The following POFUT3 variants were observed in gnomAD, a reference collection of about 807,000 sequenced individuals.
POFUT3 encodes the protein GDP-fucose protein O-fucosyltransferase 3.
the POFUT3 span, among the ~76,000 whole-genome samples, chr8:33,412,113 G>A: frequency 2.0e-5 from 3 of 151,992 alleles, no homozygotes; most frequent in African/African-American, 7.3e-5. Flanking sequence ...GTGTATTTAC[G>A]GAACACACAT....
chr8:33,379,390 CAA>C, the POFUT3 span, among the ~76,000 whole-genome samples: 115 of 133,366 alleles, frequency 8.6e-4, no homozygotes, highest in African/African-American at 2.0e-3. Context: ...GTCCAGGAAT[CAA>C]AAAAAAAAAA....
At chr8:33,388,313 G>A in the POFUT3 span, among the ~76,000 whole-genome samples, 610 of 146,866 alleles carry the variant, frequency 4.2e-3, 1 homozygote, top group African/African-American at 0.015. Context: ...GATTGACCAT[G>A]TGGATAAGCA....
chr8:33,411,320 C>T, the POFUT3 span, among the ~76,000 whole-genome samples: 1 of 152,148 alleles, frequency 6.6e-6, no homozygotes, highest in Non-Finnish European at 1.5e-5. Flanking sequence ...CCAAAATGAA[C>T]CAGGGAGTCT....
At chr8:33,357,971 G>A in the POFUT3 span, among the ~76,000 whole-genome samples, 1 of 152,198 alleles carries the variant, frequency 6.6e-6, no homozygotes, top group Non-Finnish European at 1.5e-5. Context: ...ACAAGGCTGG[G>A]CACAGTGGCT....
chr8:33,453,967 A>T, the POFUT3 span, among the ~76,000 whole-genome samples: 1 of 152,032 alleles, frequency 6.6e-6, no homozygotes, highest in African/African-American at 2.4e-5. Context: ...AAAAAAGAAA[A>T]GAAAAAAAAA....
At chr8:33,330,256 C>T in the POFUT3 span, among the ~76,000 whole-genome samples, 2 of 151,954 alleles carry the variant, frequency 1.3e-5, no homozygotes, top group Non-Finnish European at 2.9e-5. Context: ...TCATCCTGGC[C>T]AACACAGTGA....
chr8:33,344,319 C>G, the POFUT3 span, among the ~76,000 whole-genome samples: 1 of 152,334 alleles, frequency 6.6e-6, no homozygotes, highest in South Asian at 2.1e-4. Context: ...GAATTCATTA[C>G]TGGCTACTTT....
At chr8:33,318,428 G>C in the POFUT3 span, among the ~76,000 whole-genome samples, 1 of 142,056 alleles carries the variant, frequency 7.0e-6, no homozygotes, top group Non-Finnish European at 1.5e-5. Context: ...ATACACACAT[G>C]TATATATGTA....
At chr8:33,389,420 A>C in the POFUT3 span, 2 of 1,614,186 alleles carry the variant, frequency 1.2e-6, no homozygotes, top group Non-Finnish European at 1.7e-6. Flanking sequence ...CTGCTGAGGG[A>C]GGTCTTTGTT....
At chr8:33,471,372 C>T in the POFUT3 span, among the ~76,000 whole-genome samples, 2 of 152,062 alleles carry the variant, frequency 1.3e-5, no homozygotes, top group African/African-American at 4.8e-5. Flanking sequence ...CTCAGCCTCC[C>T]GAGTAGCTGG....
the POFUT3 span, among the ~76,000 whole-genome samples, chr8:33,388,172 GA>G: frequency 6.6e-6 from 1 of 152,056 alleles, no homozygotes; most frequent in Non-Finnish European, 1.5e-5. Context: ...GCCAGAAAGA[GA>G]AAGAGTAAAT....
chr8:33,368,138 T>C, the POFUT3 span, among the ~76,000 whole-genome samples: 1 of 152,106 alleles, frequency 6.6e-6, no homozygotes, highest in East Asian at 1.9e-4. Flanking sequence ...TCCAGGAGGA[T>C]ACAAAGGGGC....
At chr8:33,340,213 A>C in the POFUT3 span, among the ~76,000 whole-genome samples, 2 of 152,288 alleles carry the variant, frequency 1.3e-5, no homozygotes, top group South Asian at 4.1e-4. Context: ...TAAAAAAAAC[A>C]CTTAAAAACA....
At chr8:33,380,209 T>C in the POFUT3 span, among the ~76,000 whole-genome samples, 13 of 63,924 alleles carry the variant, frequency 2.0e-4, no homozygotes, top group Non-Finnish European at 3.2e-4. Context: ...ATACTATATA[T>C]ATATACTATA....
the POFUT3 span, among the ~76,000 whole-genome samples, chr8:33,429,143 C>A: frequency 6.6e-6 from 1 of 152,048 alleles, no homozygotes; most frequent in Non-Finnish European, 1.5e-5. Flanking sequence ...TTTCCTTTTA[C>A]AAATAAGAAA....
chr8:33,347,842 CTAACA>C, the POFUT3 span, among the ~76,000 whole-genome samples: 2 of 152,100 alleles, frequency 1.3e-5, no homozygotes, highest in Non-Finnish European at 2.9e-5. Context: ...GCATACCAGA[CTAACA>C]TAAGAGAAGA....
chr8:33,395,108 C>G, the POFUT3 span, among the ~76,000 whole-genome samples: 36 of 152,278 alleles, frequency 2.4e-4, no homozygotes, highest in Non-Finnish European at 4.0e-4. Context: ...TGTAAGAAGA[C>G]TGAAGGTGGG....
chr8:33,311,118 A>G, the POFUT3 span, among the ~76,000 whole-genome samples: 1 of 152,190 alleles, frequency 6.6e-6, no homozygotes, highest in Admixed American at 6.6e-5. Flanking sequence ...ACCTCAAGCA[A>G]GACTATTCTC....
the POFUT3 span, among the ~76,000 whole-genome samples, chr8:33,418,995 T>C: frequency 0.013 from 1,972 of 152,254 alleles, 46 homozygotes; most frequent in African/African-American, 0.045. Context: ...ATATTACACG[T>C]TCTCACTTAT....
Sources: allele counts gnomAD v4.1 joint callset (sites outside exome capture counted in the v4.1 genomes callset), GRCh38; gene constraint gnomAD v4.1.1; transcripts MANE v1.5; gene names NCBI Gene and HGNC (gene_info 2026-07-23, HGNC 2026-07-21).